PRKN: variants seen among roughly 807,000 people sequenced by gnomAD.
PRKN encodes the protein parkin RBR E3 ubiquitin protein ligase, also known as E3 ubiquitin-protein ligase parkin.
A neutral mutation model predicts 59.5 loss-of-function variants in PRKN; 56 were observed. That is an observed-to-expected ratio of 0.94 (90% CI 0.76 to 1.18). The LOEUF is 1.18. Ranked by LOEUF, PRKN falls within the 50% of genes most tolerant of loss-of-function variation. PRKN has a pLI of 0.00. For synonymous variants in PRKN, 250 were observed against 222.1 expected (o/e 1.13, Z -1.12); for missense variants, 657 against 596.4 (o/e 1.10, Z -1.06).
intron 6 of PRKN, among the ~76,000 whole-genome samples, chr6:161,824,672 T>G (rs1020443118): frequency 6.6e-5 from 10 of 152,218 alleles, no homozygotes; most frequent in African/African-American, 2.4e-4. Context: ...TTCCAGTGAC[T>G]AAATTGCTAC....
At chr6:161,804,024 C>T (rs1791205393) in intron 6 of PRKN, among the ~76,000 whole-genome samples, 1 of 152,186 alleles carries the variant, frequency 6.6e-6, no homozygotes, top group Non-Finnish European at 1.5e-5. Flanking sequence ...GCACAGCCTC[C>T]AGGTGACCTG....
intron 6 of PRKN, among the ~76,000 whole-genome samples, chr6:161,802,323 CCTTCT>C (rs1791116304): frequency 1.3e-5 from 2 of 152,018 alleles, no homozygotes; most frequent in African/African-American, 4.8e-5. Context: ...TCCCTTAGCT[CCTTCT>C]CTTCTCCCAC....
chr6:162,025,292 C>T (rs1020668522), intron 5 of PRKN, among the ~76,000 whole-genome samples: 29 of 151,796 alleles, frequency 1.9e-4, no homozygotes, highest in South Asian at 4.2e-4. Flanking sequence ...CGTGAGCCAC[C>T]GCACCCAGTC....
At chr6:161,504,531 T>TTTTTTATTA (rs773251743) in intron 9 of PRKN, among the ~76,000 whole-genome samples, 2 of 151,630 alleles carry the variant, frequency 1.3e-5, no homozygotes, top group African/African-American at 4.9e-5. Flanking sequence ...AACTTTCTTT[T>TTTTTTATTA]TTATTATTAT....
At chr6:162,685,643 C>T (rs1055988207) in intron 1 of PRKN, among the ~76,000 whole-genome samples, 6 of 152,112 alleles carry the variant, frequency 3.9e-5, no homozygotes, top group African/African-American at 1.4e-4. Context: ...CCAAGGAAAT[C>T]CACTTACTAA....
At chr6:162,008,346 G>C in intron 5 of PRKN, among the ~76,000 whole-genome samples, 1 of 152,214 alleles carries the variant, frequency 6.6e-6, no homozygotes, top group Admixed American at 6.5e-5. Context: ...GCCCCAGGAC[G>C]CTACCCTACA....
chr6:162,056,100 CCA>C lies in PRKN; in HGVS notation c.535-1928_535-1927del, dbSNP rs767358855. Among the ~76,000 whole-genome samples the C allele has an allele frequency of 9.3e-5, 14 of 150,316 alleles. No individual in the cohort carries two copies. The highest frequency in any genetic ancestry group is 2.7e-4 in the African/African-American group (11 of 40,804). On this transcript the variant is annotated intron_variant, in intron 4 of 11. Transcript: ENST00000366898. This position sits in a 1 kb window ranked among gnomAD's most constrained non-coding sequence, Gnocchi z 4.9. ...ACACATCCCACACACCTCACACACC[CCA>C]CACACATATACCCACATGCATGCAC... is the stretch of plus-strand genomic sequence containing the variant.
At chr6:162,278,277 G>A (rs1007373191) in intron 2 of PRKN, among the ~76,000 whole-genome samples, 60 of 152,136 alleles carry the variant, frequency 3.9e-4, no homozygotes, top group Non-Finnish European at 7.8e-4. Flanking sequence ...TAGTTGCCAG[G>A]GACTGAGGGA....
Position 161,549,025 on chromosome 6 carries a change from T to C in PRKN, c.934-22A>G, listed in dbSNP as rs200796582. 940 of 1,614,050 alleles carry C rather than the reference T, an allele frequency of 5.8e-4. 10 individuals are homozygous for C. The highest frequency in any genetic ancestry group is 4.5e-3 in the South Asian group (409 of 91,058). The stretch of plus-strand genomic sequence containing the variant: ...TGTACTGCAAAACCCAAAAAGCAGA[T>C]TGAGCTTTCAAACTGACTGCAAATT... On this transcript the variant is annotated intron_variant, in intron 8 of 11. Transcript: ENST00000366898. The surrounding 1 kb of genome is among the most constrained non-coding windows in gnomAD (Gnocchi z 6.0).
At chr6:162,119,848 ACT>A (rs1228180367) in intron 4 of PRKN, among the ~76,000 whole-genome samples, 1 of 151,952 alleles carries the variant, frequency 6.6e-6, no homozygotes, top group African/African-American at 2.4e-5. Flanking sequence ...CTTGCCAATC[ACT>A]CTGACTTTCA....
chr6:162,471,205 C>A (rs879658233), intron 1 of PRKN, among the ~76,000 whole-genome samples: 8 of 152,104 alleles, frequency 5.3e-5, no homozygotes, highest in Non-Finnish European at 1.0e-4. Context: ...TCAAGCGATT[C>A]TCCTGCCTCA....
At chr6:162,502,200 G>A (rs922157469) in intron 1 of PRKN, among the ~76,000 whole-genome samples, 1 of 152,084 alleles carries the variant, frequency 6.6e-6, no homozygotes, top group Non-Finnish European at 1.5e-5. Context: ...CTCTTCTGTT[G>A]CCCAAGCTGG....
chr6:161,449,445 C>T (rs569156045), intron 9 of PRKN, among the ~76,000 whole-genome samples: 3 of 152,246 alleles, frequency 2.0e-5, no homozygotes, highest in African/African-American at 7.2e-5. Flanking sequence ...CAGGGAAAGG[C>T]GATTTTATTC....
rs1432465876 is a variant in PRKN, at chr6:162,665,980, C to T, written c.7+61682G>A. ...TGCTGGAAAACTGGCTCGACATATG[C>T]GGAAAACTGAAACTGGATCCCTTCC... On this transcript the variant is annotated intron_variant, in intron 1 of 11. Coordinates refer to ENST00000366898, the MANE Select transcript of PRKN (RefSeq NM_004562.3). Among the ~76,000 whole-genome samples the T allele has an allele frequency of 5.9e-5, 9 of 152,160 alleles. No individual in the cohort carries two copies. In the South Asian group the frequency reaches 8.3e-4, roughly 14 times the overall value.
intron 1 of PRKN, among the ~76,000 whole-genome samples, chr6:162,456,381 A>G (rs1297397732): frequency 3.3e-5 from 5 of 152,156 alleles, no homozygotes; most frequent in African/African-American, 9.7e-5. Flanking sequence ...ATTCACCCAA[A>G]TATATATTTA....
intron 2 of PRKN, among the ~76,000 whole-genome samples, chr6:162,301,963 A>G (rs1429329994): frequency 1.3e-5 from 2 of 152,184 alleles, no homozygotes; most frequent in Non-Finnish European, 2.9e-5. Flanking sequence ...ATCCTGTTAG[A>G]CTAAACTTGT....
intron 7 of PRKN, among the ~76,000 whole-genome samples, chr6:161,719,463 C>T (rs1279080072): frequency 3.9e-5 from 6 of 152,038 alleles, no homozygotes; most frequent in Admixed American, 1.3e-4. Flanking sequence ...CACCTTTGTA[C>T]CACAAAAGCT....
At chr6:162,585,428 A>G (rs1781003391) in intron 1 of PRKN, among the ~76,000 whole-genome samples, 1 of 152,074 alleles carries the variant, frequency 6.6e-6, no homozygotes, top group Non-Finnish European at 1.5e-5. Flanking sequence ...CCCAATTCCT[A>G]TATTCTGGAA....
chr6:162,008,907 G>C (rs1015303558), intron 5 of PRKN, among the ~76,000 whole-genome samples: 1 of 150,538 alleles, frequency 6.6e-6, no homozygotes, highest in Non-Finnish European at 1.5e-5. Flanking sequence ...GGATACCCTT[G>C]TAAGAGTTAT....
Sources: allele counts gnomAD v4.1 joint callset (sites outside exome capture counted in the v4.1 genomes callset), GRCh38; gene constraint gnomAD v4.1.1; non-coding constraint Gnocchi (gnomAD v3.1); transcripts MANE v1.5; gene names NCBI Gene and HGNC (gene_info 2026-07-23, HGNC 2026-07-21).